The following AGAP1 variants were observed in gnomAD, a reference collection of about 807,000 sequenced individuals.
AGAP1 encodes the protein ArfGAP with GTPase domain, ankyrin repeat and PH domain 1.
Under a neutral mutation model 105.3 loss-of-function variants are expected in AGAP1, and 29 were observed. The ratio of observed to expected loss-of-function variants is 0.28; its 90% CI spans 0.21 to 0.38. AGAP1 has a LOEUF of 0.38. Among genes scored for constraint, AGAP1 ranks in the 10% least tolerant of loss-of-function variants. AGAP1 has a pLI of 1.00. For missense variants in AGAP1, 998 were observed against 1,165.1 expected, an observed-to-expected ratio of 0.86 and a Z score of 2.09; for synonymous variants, 509 against 485.9, an observed-to-expected ratio of 1.05 and a Z score of -0.63.
rs1447852738 is a variant in AGAP1, at chr2:235,845,553, C to G, written c.1051-37792C>G. Among the ~76,000 whole-genome samples, 1 of 151,998 alleles carries G rather than the reference C, an allele frequency of 6.6e-6. No homozygotes were observed. The highest frequency in any genetic ancestry group is 1.9e-4 in the East Asian group (1 of 5,176). ...CACCGACAGCCCAGCCGGTCGACAG[C>G]AGACCTTTCCTTCCAGTTATTCCTT... On this transcript the variant is annotated intron_variant, in intron 9 of 17. Transcript: ENST00000304032. This position sits in a 1 kb window ranked among gnomAD's most constrained non-coding sequence, Gnocchi z 4.8.
intron 13 of AGAP1, among the ~76,000 whole-genome samples, chr2:236,022,267 G>A (rs981477769): frequency 1.3e-5 from 2 of 152,116 alleles, no homozygotes; most frequent in African/African-American, 4.8e-5. Context: ...TAATTGACCT[G>A]TGGGGATTTG....
chr2:235,854,162 TC>T (rs1389031192), intron 9 of AGAP1, among the ~76,000 whole-genome samples: 2 of 152,100 alleles, frequency 1.3e-5, no homozygotes, highest in African/African-American at 4.8e-5. Context: ...CCCCTTGTCT[TC>T]CCGGGCTCGT....
At position 235,971,735 on chromosome 2, in the gene AGAP1, GTTTTA is replaced by G. The variant is rs1294323907; in HGVS notation, c.1645+3121_1645+3125del. ...CTTGAAACTAAAGCTAGTTATATATGTTTTATTTTATTTATTTATTTATTTATTTA... is the reference window on the plus strand; with the variant it reads ...CTTGAAACTAAAGCTAGTTATATATGTTTTATTTATTTATTTATTTATTTA... On this transcript the variant is annotated intron_variant, in intron 13 of 17. Coordinates refer to ENST00000304032, the MANE Select transcript of AGAP1 (RefSeq NM_001037131.3). The surrounding 1 kb of genome is among the most constrained non-coding windows in gnomAD (Gnocchi z 4.8). Among the ~76,000 whole-genome samples, 1 of 143,428 alleles carries G rather than the reference GTTTTA, an allele frequency of 7.0e-6. No homozygotes were observed. Among genetic ancestry groups the G allele is most frequent in the African/African-American group, 2.8e-5 (1 of 35,436 alleles). The allele number at this position is 143,428 out of a possible 152,430, so 94.1% of individuals were successfully genotyped here.
At position 235,908,839 on chromosome 2, in the gene AGAP1, C is replaced by G. The variant is rs777960860; in HGVS notation, c.1257C>G (p.Pro419=). The part of the protein sequence containing the change: ...RPPRATSACA[P]ISSPKTNGLS... ...CCCGAGCCACGTCAGCCTGCGCACC[C>G]ATCTCCAGCCCTAAAACCAATGGCC... The change falls in exon 11 of 18, where the codon CCC becomes CCG. Residue 419 remains proline (P), a synonymous_variant. Transcript: ENST00000304032. The surrounding 1 kb of genome is among the most constrained non-coding windows in gnomAD (Gnocchi z 4.4). The G allele has an allele frequency of 6.2e-7, 1 of 1,614,120 alleles. No individual in the cohort carries two copies. Among genetic ancestry groups the G allele is most frequent in the East Asian group, 2.2e-5 (1 of 44,880 alleles).
At chr2:235,812,399 A>G (rs1350625290) in intron 9 of AGAP1, among the ~76,000 whole-genome samples, 2 of 152,212 alleles carry the variant, frequency 1.3e-5, no homozygotes, top group Non-Finnish European at 1.5e-5. Context: ...GAGTAGAAAG[A>G]GGCAATTGTC....
At chr2:236,088,512 G>A (rs2058984794) in intron 16 of AGAP1, among the ~76,000 whole-genome samples, 1 of 152,224 alleles carries the variant, frequency 6.6e-6, no homozygotes, top group Non-Finnish European at 1.5e-5. Context: ...GTGGGTGATA[G>A]CTATTACATG....
At position 236,038,483 on chromosome 2, in the gene AGAP1, A is replaced by C. The variant is rs1445113764; in HGVS notation, c.1800+1768A>C. ...CTCAGCTCATGCACACACCAGCCTTAGAATGCTGCCCTCGGCCCTCACTAG... is the reference window on the plus strand; with the variant it reads ...CTCAGCTCATGCACACACCAGCCTTCGAATGCTGCCCTCGGCCCTCACTAG... On this transcript the variant is annotated intron_variant, in intron 14 of 17. Transcript: ENST00000304032. This position sits in a 1 kb window ranked among gnomAD's most constrained non-coding sequence, Gnocchi z 4.5. Among the ~76,000 whole-genome samples, 1 of 152,210 alleles carries C rather than the reference A, an allele frequency of 6.6e-6. No homozygotes were observed. Among genetic ancestry groups the C allele is most frequent in the Non-Finnish European group, 1.5e-5 (1 of 68,036 alleles).
At chr2:235,698,009 GT>G (rs879521327) in intron 1 of AGAP1, among the ~76,000 whole-genome samples, 2 of 152,164 alleles carry the variant, frequency 1.3e-5, no homozygotes, top group Non-Finnish European at 1.5e-5. Flanking sequence ...TTTGGCACCA[GT>G]GACTGGTTTT....
intron 1 of AGAP1, among the ~76,000 whole-genome samples, chr2:235,597,881 C>T (rs112153784): frequency 1.2e-5 from 1 of 83,456 alleles, no homozygotes; most frequent in Non-Finnish European, 2.3e-5. Context: ...CGTGCACGCG[C>T]TCCCGTGTTT....
At chr2:236,032,697 G>A (rs559235950) in intron 13 of AGAP1, among the ~76,000 whole-genome samples, 25 of 152,272 alleles carry the variant, frequency 1.6e-4, no homozygotes, top group Admixed American at 2.0e-4. Flanking sequence ...TCTCAAGGAT[G>A]GAGTGAGATC....
rs1173961647 is a variant in AGAP1, at chr2:235,599,613, T to C, written c.163+104764T>C. ...ACTGCGGATCCCCTGCCATGGCCCA[T>C]GTGGCTCCGGAAGTTCCTGGGAGTG... On this transcript the variant is annotated intron_variant, in intron 1 of 17. Transcript: ENST00000304032. This position sits in a 1 kb window ranked among gnomAD's most constrained non-coding sequence, Gnocchi z 5.3. Among the ~76,000 whole-genome samples the C allele has an allele frequency of 6.6e-6, 1 of 151,268 alleles. No homozygotes were observed. The highest frequency in any genetic ancestry group is 2.1e-4 in the South Asian group (1 of 4,774).
At chr2:236,023,640 T>C (rs879022633) in intron 13 of AGAP1, among the ~76,000 whole-genome samples, 1 of 152,136 alleles carries the variant, frequency 6.6e-6, no homozygotes, top group East Asian at 1.9e-4. Context: ...TGTCCCGTCT[T>C]TTCGGTGGTG....
At chr2:235,858,197 C>T (rs1479436371) in intron 9 of AGAP1, among the ~76,000 whole-genome samples, 1 of 152,142 alleles carries the variant, frequency 6.6e-6, no homozygotes, top group Non-Finnish European at 1.5e-5. Context: ...AATCGTAATT[C>T]AGTAAATTTT....
intron 1 of AGAP1, among the ~76,000 whole-genome samples, chr2:235,516,145 C>T (rs1051400980): frequency 3.9e-5 from 6 of 151,964 alleles, no homozygotes; most frequent in Non-Finnish European, 7.4e-5. Flanking sequence ...TTCTGCTCCC[C>T]GACTTCATGG....
At chr2:236,054,480 TA>T (rs10560456) in intron 16 of AGAP1, among the ~76,000 whole-genome samples, 10,990 of 112,750 alleles carry the variant, frequency 0.097, 1,060 homozygotes, top group African/African-American at 0.26. Context: ...TTTTCTTTCT[TA>T]AAAAAAAAAA....
In AGAP1 at chr2:235,836,274, G is replaced by A. The variant is rs550334030; in HGVS notation, c.1050+28943G>A. ...AATTTTCCATTACCTTAATTCTTTG[G>A]TAAAGGTACAGCGATCAAAAGCAAT... On this transcript the variant is annotated intron_variant, in intron 9 of 17. Transcript: ENST00000304032. Among the ~76,000 whole-genome samples the A allele has an allele frequency of 8.5e-5, 13 of 152,272 alleles. No homozygotes were observed. The South Asian group carries it at 2.7e-3, about 32-fold the overall frequency.
Position 236,076,780 on chromosome 2 carries a change from G to C in AGAP1, c.2114+27499G>C, listed in dbSNP as rs2058646432. Among the ~76,000 whole-genome samples the C allele has an allele frequency of 6.6e-6, 1 of 152,026 alleles. No individual in the cohort carries two copies. The highest frequency in any genetic ancestry group is 2.1e-4 in the South Asian group (1 of 4,808). ...AGAGAAATGCCTCCAGTGAGCCAGG[G>C]CTACATTTTGGGAAGTGACTGTATC... is the stretch of plus-strand genomic sequence containing the variant. On this transcript the variant is annotated intron_variant, in intron 16 of 17. Coordinates refer to ENST00000304032, the MANE Select transcript of AGAP1 (RefSeq NM_001037131.3). The surrounding 1 kb of genome is among the most constrained non-coding windows in gnomAD (Gnocchi z 4.4).
chr2:235,881,313 G>A (rs1048504705), intron 9 of AGAP1, among the ~76,000 whole-genome samples: 8 of 152,174 alleles, frequency 5.3e-5, no homozygotes, highest in Non-Finnish European at 4.4e-5. Flanking sequence ...GGAGGTCGAT[G>A]GAGGCTGGGA....
At chr2:235,806,411 C>T in intron 8 of AGAP1, among the ~76,000 whole-genome samples, 2 of 152,162 alleles carry the variant, frequency 1.3e-5, no homozygotes, top group Non-Finnish European at 2.9e-5. Flanking sequence ...CACACTTTCT[C>T]ATGCCATCGA....
Sources: allele counts gnomAD v4.1 joint callset (sites outside exome capture counted in the v4.1 genomes callset), GRCh38; gene constraint gnomAD v4.1.1; non-coding constraint Gnocchi (gnomAD v3.1); transcripts MANE v1.5; gene names NCBI Gene and HGNC (gene_info 2026-07-23, HGNC 2026-07-21).